Variants in KCNJ1 observed in about 807,000 individuals in gnomAD.
KCNJ1 encodes the protein ATP-sensitive inward rectifier potassium channel 1.
In KCNJ1, 24 loss-of-function variants were observed where a neutral mutation model predicts 21.9. That is an observed-to-expected ratio of 1.10 (90% CI 0.79 to 1.54). The LOEUF is 1.54. Ranked by LOEUF, KCNJ1 falls within the 40% of genes most tolerant of loss-of-function variation. The pLI, the probability that KCNJ1 is intolerant of heterozygous loss-of-function variation, is 0.00. For synonymous variants in KCNJ1, 152 were observed against 160.9 expected (o/e 0.94, Z 0.42); for missense variants, 457 against 455.4 (o/e 1.00, Z -0.03).
rs550903768 is a variant in KCNJ1, at chr11:128,846,268, G to A, written c.-22+4453C>T. ...GGTGAGTTTCCTCACCTGTGAAATG[G>A]CTATAATATACTCTCAAACATTGTT... On this transcript the variant is annotated intron_variant, in intron 2 of 2. Transcript: ENST00000392666. 2.0e-5 allele frequency among the ~76,000 whole-genome samples: 3 copies of A among 152,262 alleles called. No homozygotes were observed. The South Asian group carries it at 6.2e-4, about 32-fold the overall frequency.
intron 2 of KCNJ1, among the ~76,000 whole-genome samples, chr11:128,849,446 A>G (rs570504690): frequency 6.6e-5 from 10 of 152,308 alleles, no homozygotes; most frequent in Admixed American, 1.3e-4. Context: ...TAGTGAGCAT[A>G]AAAGGATCAG....
At position 128,846,816 on chromosome 11, in the gene KCNJ1, G is replaced by T. The variant is rs574903877; in HGVS notation, c.-22+3905C>A. Among the ~76,000 whole-genome samples the T allele has an allele frequency of 1.6e-4, 24 of 152,224 alleles. No homozygotes were observed. In the South Asian group the frequency reaches 5.0e-3, roughly 32 times the overall value. On this transcript the variant is annotated intron_variant, in intron 2 of 2. Transcript: ENST00000392666. ...GAAGGTGACCTCGTACTACCGGCGAGGTCTTGGTTCTCCTGGCACATGAGG... is the reference window on the plus strand; with the variant it reads ...GAAGGTGACCTCGTACTACCGGCGATGTCTTGGTTCTCCTGGCACATGAGG...
chr11:128,858,192 T>C (rs538656721), intron 1 of KCNJ1, among the ~76,000 whole-genome samples: 1 of 147,296 alleles, frequency 6.8e-6, no homozygotes, highest in African/African-American at 2.6e-5. Flanking sequence ...TGGGGAGGGA[T>C]GAGAAGGGAT....
intron 1 of KCNJ1, among the ~76,000 whole-genome samples, chr11:128,853,219 T>C (rs1943508930): frequency 6.6e-6 from 1 of 152,260 alleles, no homozygotes; most frequent in African/African-American, 2.4e-5. Context: ...AGTATGTGAA[T>C]AGCAGGATTA....
chr11:128,852,205 T>C (rs1943489120), intron 1 of KCNJ1, among the ~76,000 whole-genome samples: 1 of 152,236 alleles, frequency 6.6e-6, no homozygotes, highest in Non-Finnish European at 1.5e-5. Flanking sequence ...TGTTAATACC[T>C]TGAGTCATAC....
At chr11:128,842,175 C>T (rs1488950873) in intron 2 of KCNJ1, among the ~76,000 whole-genome samples, 1 of 152,238 alleles carries the variant, frequency 6.6e-6, no homozygotes, top group East Asian at 1.9e-4. Flanking sequence ...TCCTAACACA[C>T]CAACTTCTGA....
Position 128,839,508 on chromosome 11 carries a change from G to C in KCNJ1, c.736C>G (p.Pro246Ala), listed in dbSNP as rs764179926. 1 of 1,614,008 alleles carries C rather than the reference G, an allele frequency of 6.2e-7. No homozygotes were observed. Among genetic ancestry groups the C allele is most frequent in the Admixed American group, 1.7e-5 (1 of 60,002 alleles). Residue 246 changes from proline (P) to alanine (A), a missense_variant, in exon 3 of 3, where the codon CCA (proline) becomes GCA (alanine). Transcript: ENST00000392666. The part of the protein sequence containing the change: ...AGNENLFFIS[P>A]LTIYHVIDHN... ...TCAATGACATGGTAAATTGTCAATGGGGAGATGAAGAATAAATTTTCATTC... is the reference window on the plus strand; with the variant it reads ...TCAATGACATGGTAAATTGTCAATGCGGAGATGAAGAATAAATTTTCATTC...
At chr11:128,862,015 C>T (rs1943718462) in intron 1 of KCNJ1, among the ~76,000 whole-genome samples, 1 of 152,156 alleles carries the variant, frequency 6.6e-6, no homozygotes. Flanking sequence ...CGTGGTCATC[C>T]GCGTGGGAAG....
intron 2 of KCNJ1, among the ~76,000 whole-genome samples, chr11:128,845,989 C>G (rs1943373250): frequency 6.6e-6 from 1 of 152,188 alleles, no homozygotes; most frequent in East Asian, 1.9e-4. Context: ...AGGAGGCACA[C>G]TGTGTTCTGT....
At chr11:128,842,623 G>C in intron 2 of KCNJ1, 1 of 1,134,564 alleles carries the variant, frequency 8.8e-7, no homozygotes, top group South Asian at 1.7e-5. Flanking sequence ...AAGCTGAATA[G>C]GTATTTTTTC....
intron 1 of KCNJ1, among the ~76,000 whole-genome samples, chr11:128,856,356 G>A (rs1196569738): frequency 6.6e-6 from 1 of 152,248 alleles, no homozygotes; most frequent in Non-Finnish European, 1.5e-5. Flanking sequence ...ACAGGGCTTG[G>A]TGATGGATGC....
chr11:128,840,341 C>T (rs776648104), intron 2 of KCNJ1, 77 bp from the exon 3 acceptor site: 8 of 1,367,908 alleles, frequency 5.8e-6, no homozygotes, highest in Non-Finnish European at 8.3e-6. Context: ...CATGAAAGAC[C>T]TAACTACGAA....
chr11:128,844,299 G>A (rs1943341747), intron 2 of KCNJ1, among the ~76,000 whole-genome samples: 1 of 152,194 alleles, frequency 6.6e-6, no homozygotes, highest in African/African-American at 2.4e-5. Flanking sequence ...ATGGAGCATA[G>A]AAAGCCTCAG....
intron 1 of KCNJ1, among the ~76,000 whole-genome samples, chr11:128,861,429 A>G (rs1289093032): frequency 6.6e-6 from 1 of 152,198 alleles, no homozygotes; most frequent in Non-Finnish European, 1.5e-5. Flanking sequence ...GCAAGATGTG[A>G]GCAGCAGGGC....
chr11:128,861,786 C>T (rs897574896), intron 1 of KCNJ1, among the ~76,000 whole-genome samples: 5 of 152,204 alleles, frequency 3.3e-5, no homozygotes, highest in South Asian at 4.2e-4. Flanking sequence ...GTCCATTTCC[C>T]GCTGAAATGG....
intron 1 of KCNJ1, among the ~76,000 whole-genome samples, chr11:128,855,629 C>G (rs972253236): frequency 2.0e-5 from 3 of 152,208 alleles, no homozygotes; most frequent in Admixed American, 2.0e-4. Context: ...CACTTGTTAT[C>G]AGAGTGAGTT....
At chr11:128,865,414 A>G (rs1290844235) in intron 1 of KCNJ1, among the ~76,000 whole-genome samples, 2 of 152,178 alleles carry the variant, frequency 1.3e-5, no homozygotes, top group Non-Finnish European at 2.9e-5. Flanking sequence ...CCCAGGACCT[A>G]GCATCCAAAA....
Position 128,839,063 on chromosome 11 carries a change from A to G in KCNJ1, c.*62T>C, listed in dbSNP as rs1193562978. 2.0e-6 allele frequency: 3 copies of G among 1,469,496 alleles called. No individual in the cohort carries two copies. Among genetic ancestry groups the G allele is most frequent in the Admixed American group, 3.4e-5 (2 of 59,050 alleles). 91.0% of individuals were successfully genotyped at this position (1,469,496 alleles called of 1,614,324 possible). A position where few individuals can be genotyped will look rare whatever the true frequency, so the allele number is the denominator to read the frequency against. On this transcript the variant is annotated 3_prime_UTR_variant, in exon 3 of 3. Coordinates refer to ENST00000392666, the MANE Select transcript of KCNJ1 (RefSeq NM_153766.3). The stretch of plus-strand genomic sequence containing the variant: ...GTACCCCTAAATTGTTGACTGCTTC[A>G]TAATGCTTCTAGGTACTAGGAGCTT...
chr11:128,850,336 T>C (rs1943462004), intron 2 of KCNJ1, among the ~76,000 whole-genome samples: 3 of 152,256 alleles, frequency 2.0e-5, no homozygotes. Context: ...ATGCTTTCCT[T>C]TCATTTGTGG....
Sources: allele counts gnomAD v4.1 joint callset (sites outside exome capture counted in the v4.1 genomes callset), GRCh38; gene constraint gnomAD v4.1.1; transcripts MANE v1.5; gene names NCBI Gene and HGNC (gene_info 2026-07-23, HGNC 2026-07-21).